HTR4: variants seen among roughly 807,000 people sequenced by gnomAD.
The protein encoded by HTR4 is 5-hydroxytryptamine receptor 4.
A neutral mutation model predicts 36.8 loss-of-function variants in HTR4; 16 were observed. The observed-to-expected ratio is 0.43, with a 90% CI of 0.29 to 0.66. The LOEUF (loss-of-function observed/expected upper bound fraction) is 0.66, where lower values mean the gene tolerates loss of function less well. Ranked by LOEUF, HTR4 falls within the 30% of genes least tolerant of loss-of-function variation. The pLI, the probability that HTR4 is intolerant of heterozygous loss-of-function variation, is 0.13. For missense variants in HTR4, 438 were observed against 490.9 expected, an observed-to-expected ratio of 0.89 and a Z score of 1.02; for synonymous variants, 189 against 185.1, an observed-to-expected ratio of 1.02 and a Z score of -0.17.
intron 2 of HTR4, among the ~76,000 whole-genome samples, chr5:148,568,036 A>G (rs1325664047): frequency 1.3e-5 from 2 of 152,120 alleles, no homozygotes; most frequent in East Asian, 3.9e-4. Flanking sequence ...ATCACCTACT[A>G]CTACAACATG....
chr5:148,482,697 G>A lies in HTR4; in HGVS notation c.*506C>T. 9.9e-7 allele frequency: 1 copy of A among 1,005,552 alleles called. No individual in the cohort carries two copies. The highest frequency in any genetic ancestry group is 1.2e-6 in the Non-Finnish European group (1 of 840,436). The allele number at this position is 1,005,552 out of a possible 1,614,324, so 62.3% of individuals were successfully genotyped here. On this transcript the variant is annotated 3_prime_UTR_variant, in exon 7 of 7. Coordinates refer to ENST00000377888, the MANE Select transcript of HTR4 (RefSeq NM_000870.7). ...AGAACAGGGCGAAGAAGAGGCAGGG[G>A]ATAGCTTGAACATGGCTGTGACGGA...
At position 148,654,234 on chromosome 5, in the gene HTR4, G is replaced by C. The variant is rs1296398410; in HGVS notation, c.-220C>G. ...AGCCCCCGCGCTGGGGAGCCGGCGA[G>C]CGTGAGGCGCGGGCCAGGGGCTGCG... On this transcript the variant is annotated 5_prime_UTR_variant, in exon 1 of 7. Coordinates refer to ENST00000377888, the MANE Select transcript of HTR4 (RefSeq NM_000870.7). 1.0e-6 allele frequency: 1 copy of C among 985,144 alleles called. No homozygotes were observed. Among genetic ancestry groups the C allele is most frequent in the East Asian group, 1.1e-4 (1 of 8,780 alleles). 61.0% of individuals were successfully genotyped at this position (985,144 alleles called of 1,614,324 possible).
intron 2 of HTR4, among the ~76,000 whole-genome samples, chr5:148,581,204 T>C (rs892715815): frequency 1.3e-5 from 2 of 152,086 alleles, no homozygotes; most frequent in African/African-American, 4.8e-5. Context: ...TTTGATTTTT[T>C]TGCTATTGAG....
intron 2 of HTR4, among the ~76,000 whole-genome samples, chr5:148,605,983 A>C (rs1421858603): frequency 6.6e-6 from 1 of 152,192 alleles, no homozygotes; most frequent in Non-Finnish European, 1.5e-5. Context: ...TTTGATAAAT[A>C]AGGCATGGCC....
chr5:148,468,577 A>T (rs1253125070), intron 5 of HTR4, among the ~76,000 whole-genome samples: 1 of 152,172 alleles, frequency 6.6e-6, no homozygotes, highest in Non-Finnish European at 1.5e-5. Flanking sequence ...CAGTTGGGGA[A>T]CAAGTCTCAG....
chr5:148,474,914 C>T (rs553113522), downstream of HTR4, among the ~76,000 whole-genome samples: 28 of 152,088 alleles, frequency 1.8e-4, no homozygotes, highest in African/African-American at 5.5e-4. Flanking sequence ...GGTGTGGAGG[C>T]GTGTGCCTGT....
Position 148,617,195 on chromosome 5 carries a change from C to T in HTR4, c.26+19794G>A, listed in dbSNP as rs116893024. 1.5e-4 allele frequency among the ~76,000 whole-genome samples: 23 copies of T among 152,248 alleles called. No homozygotes were observed. In the East Asian group the frequency reaches 3.5e-3, roughly 23 times the overall value. ...TCTCACAATAGTGAGTGATTTCTCA[C>T]GAGATCTGGTTGTTTACAAGTGTGT... On this transcript the variant is annotated intron_variant, in intron 2 of 6. Transcript: ENST00000377888.
Position 148,548,883 on chromosome 5 carries a change from G to C in HTR4, c.153-15C>G. The C allele has an allele frequency of 6.3e-7, 1 of 1,598,688 alleles. No individual in the cohort carries two copies. Among genetic ancestry groups the C allele is most frequent in the Non-Finnish European group, 8.6e-7 (1 of 1,167,238 alleles). The stretch of plus-strand genomic sequence containing the variant: ...TTTTTATTTTCCTGTGAGTGAAAAA[G>C]TGTAAGAGAGGAGGCAGGGGGAGGG... On this transcript the variant is annotated splice_polypyrimidine_tract_variant and intron_variant, in intron 3 of 6. Transcript: ENST00000377888.
intron 2 of HTR4, among the ~76,000 whole-genome samples, chr5:148,607,271 C>T (rs957332277): frequency 6.6e-6 from 1 of 152,098 alleles, no homozygotes; most frequent in African/African-American, 2.4e-5. Context: ...AGCACAAGTA[C>T]TGCTTAGGGG....
intron 2 of HTR4, among the ~76,000 whole-genome samples, chr5:148,624,261 C>A (rs1267371906): frequency 3.3e-5 from 5 of 152,172 alleles, no homozygotes; most frequent in Admixed American, 6.5e-5. Context: ...GGGATCTGAG[C>A]ACTGCAATAA....
chr5:148,639,371 C>T (rs973683171), intron 1 of HTR4, among the ~76,000 whole-genome samples: 2 of 152,002 alleles, frequency 1.3e-5, no homozygotes, highest in Admixed American at 1.3e-4. Context: ...CCTCCCCTTT[C>T]CCACCCACCA....
At chr5:148,552,393 CTTAATAGGCT>C (rs1759740854) in intron 2 of HTR4, among the ~76,000 whole-genome samples, 1 of 152,132 alleles carries the variant, frequency 6.6e-6, no homozygotes, top group Admixed American at 6.5e-5. Context: ...GAAAAAAGAC[CTTAATAGGCT>C]GATGTGGCCA....
intron 2 of HTR4, among the ~76,000 whole-genome samples, chr5:148,588,642 G>A (rs1426630467): frequency 2.1e-5 from 3 of 144,452 alleles, no homozygotes; most frequent in Admixed American, 7.2e-5. Context: ...CCGGGTTCAC[G>A]CCATTCTCCT....
At position 148,509,749 on chromosome 5, in the gene HTR4, C is replaced by G; in HGVS notation, c.783G>C (p.Leu261=). The change falls in exon 6 of 7, where the codon CTG becomes CTC. Residue 261 remains leucine (L), a synonymous_variant. Coordinates refer to ENST00000377888, the MANE Select transcript of HTR4 (RefSeq NM_000870.7). ...MRTETKAAKT[L]CIIMGCFCLC... The stretch of plus-strand genomic sequence containing the variant: ...GGCAGAAGCAACCCATGATGATGCA[C>G]AGGGTCTTGGCTGCTTTGGTCTCTG... The G allele has an allele frequency of 6.2e-7, 1 of 1,614,062 alleles. No homozygotes were observed. The highest frequency in any genetic ancestry group is 8.5e-7 in the Non-Finnish European group (1 of 1,179,992).
At chr5:148,598,673 C>T (rs778168487) in intron 2 of HTR4, among the ~76,000 whole-genome samples, 1 of 152,178 alleles carries the variant, frequency 6.6e-6, no homozygotes, top group Non-Finnish European at 1.5e-5. Flanking sequence ...TCTTGGAACA[C>T]AGTAGGTACT....
At chr5:148,558,518 C>A (rs1481173921) in intron 2 of HTR4, among the ~76,000 whole-genome samples, 1 of 152,194 alleles carries the variant, frequency 6.6e-6, no homozygotes, top group African/African-American at 2.4e-5. Flanking sequence ...TTCTCAAGAA[C>A]TTTTCCTTTC....
At chr5:148,605,138 G>A (rs1752093427) in intron 2 of HTR4, among the ~76,000 whole-genome samples, 2 of 152,156 alleles carry the variant, frequency 1.3e-5, no homozygotes, top group South Asian at 2.1e-4. Flanking sequence ...TCAACTGGAA[G>A]CAGGGATGCT....
chr5:148,465,935 G>A lies in HTR4; in HGVS notation c.1077-14663C>T, dbSNP rs754907128. 4 of 1,611,798 alleles carry A rather than the reference G, an allele frequency of 2.5e-6. No homozygotes were observed. The South Asian group carries it at 3.3e-5, about 13-fold the overall frequency. ...GACAGGGGAACAGCCACTTTTAGTTGAAACAGAAAACAGCCACAGATGAGG... is the reference window on the plus strand; with the variant it reads ...GACAGGGGAACAGCCACTTTTAGTTAAAACAGAAAACAGCCACAGATGAGG... On this transcript the variant is annotated intron_variant, in intron 5 of 5. Coordinates refer to the HTR4 transcript ENST00000521530.
chr5:148,527,805 G>C (rs999165603), intron 4 of HTR4, among the ~76,000 whole-genome samples: 7 of 152,066 alleles, frequency 4.6e-5, no homozygotes, highest in Non-Finnish European at 7.4e-5. Context: ...GCAGGGACAG[G>C]GTTTCGCTAT....
Sources: gnomAD v4.1 joint callset for allele counts (sites outside exome capture counted in the v4.1 genomes callset) on GRCh38, gnomAD v4.1.1 for gene constraint, MANE v1.5 for transcripts, NCBI Gene and HGNC (gene_info 2026-07-23, HGNC 2026-07-21) for gene names.